Variants in PDS5A observed in about 807,000 individuals in gnomAD.
The protein encoded by PDS5A is PDS5 cohesin associated factor A.
In PDS5A, 42 loss-of-function variants were observed where a neutral mutation model predicts 167.1. The ratio of observed to expected loss-of-function variants is 0.25; its 90% CI spans 0.20 to 0.33. The LOEUF is 0.33. PDS5A is among the 10% of genes least tolerant of loss of function. The probability of loss-of-function intolerance (pLI) is 1.00; values close to 1 mark genes in which losing one functional copy is unlikely to be tolerated. For synonymous variants in PDS5A, 553 were observed against 554.6 expected (o/e 1.00, Z 0.04); for missense variants, 1,033 against 1,605.9 (o/e 0.64, Z 6.10).
At chr4:39,961,613 G>A (rs1729486896) in intron 2 of PDS5A, among the ~76,000 whole-genome samples, 1 of 152,048 alleles carries the variant, frequency 6.6e-6, no homozygotes, top group Non-Finnish European at 1.5e-5. Context: ...AAGCTGGTCT[G>A]GAACTACAGA....
intron 2 of PDS5A, among the ~76,000 whole-genome samples, chr4:39,938,280 C>T (rs1268807298): frequency 6.6e-6 from 1 of 152,188 alleles, no homozygotes; most frequent in Non-Finnish European, 1.5e-5. Flanking sequence ...CTGGGCCGGG[C>T]ACGGTGGCTC....
intron 13 of PDS5A, among the ~76,000 whole-genome samples, chr4:39,901,124 T>C (rs1722840379): frequency 6.6e-6 from 1 of 152,214 alleles, no homozygotes; most frequent in Non-Finnish European, 1.5e-5. Context: ...TGAGAATTAC[T>C]AATCTCTAAA....
rs532407244 is a variant in PDS5A, at chr4:39,947,925, C to T, written c.139-19761G>A. Reference sequence around the variant, plus strand: ...CAACATAAGTTTTGGTGAGGACAAACCTTATCCAAATAATGGCAATGTCCA... The same window carrying T: ...CAACATAAGTTTTGGTGAGGACAAATCTTATCCAAATAATGGCAATGTCCA... On this transcript the variant is annotated intron_variant, in intron 2 of 32. Coordinates refer to ENST00000303538, the MANE Select transcript of PDS5A (RefSeq NM_001100399.2). Among the ~76,000 whole-genome samples the T allele has an allele frequency of 2.8e-4, 42 of 152,224 alleles. 1 individual carries two copies. In the South Asian group the frequency reaches 7.7e-3, roughly 28 times the overall value.
chr4:39,964,544 C>G (rs925945820), intron 2 of PDS5A, among the ~76,000 whole-genome samples: 1 of 152,120 alleles, frequency 6.6e-6, no homozygotes, highest in African/African-American at 2.4e-5. Flanking sequence ...AAAACTACAA[C>G]AAATTTAAAA....
intron 2 of PDS5A, among the ~76,000 whole-genome samples, chr4:39,958,267 G>A (rs1424221680): frequency 6.6e-6 from 1 of 152,070 alleles, no homozygotes; most frequent in Non-Finnish European, 1.5e-5. Flanking sequence ...AGCACATTGG[G>A]AGGTCGAAGC....
intron 26 of PDS5A, among the ~76,000 whole-genome samples, chr4:39,856,495 TA>T (rs1211433340): frequency 6.6e-6 from 1 of 152,224 alleles, no homozygotes; most frequent in African/African-American, 2.4e-5. Context: ...CTTTGGCTCA[TA>T]ACTCACTTCT....
At chr4:39,877,716 C>T (rs1261188029) in intron 18 of PDS5A, among the ~76,000 whole-genome samples, 1 of 151,938 alleles carries the variant, frequency 6.6e-6, no homozygotes, top group Non-Finnish European at 1.5e-5. Flanking sequence ...GGGGTCTCAA[C>T]CTCCCACCTC....
chr4:39,938,741 GC>G (rs1726911154), intron 2 of PDS5A, among the ~76,000 whole-genome samples: 1 of 152,040 alleles, frequency 6.6e-6, no homozygotes, highest in Non-Finnish European at 1.5e-5. Flanking sequence ...GGAGGCTGAG[GC>G]CGATGGATCA....
chr4:39,947,285 C>T (rs1727868942), intron 2 of PDS5A, among the ~76,000 whole-genome samples: 1 of 152,062 alleles, frequency 6.6e-6, no homozygotes, highest in Non-Finnish European at 1.5e-5. Context: ...GAAACCCCAT[C>T]TCTACTAAAA....
At chr4:39,859,334 G>A (rs1718794320) in intron 26 of PDS5A, among the ~76,000 whole-genome samples, 1 of 152,020 alleles carries the variant, frequency 6.6e-6, no homozygotes, top group African/African-American at 2.4e-5. Flanking sequence ...AGGCTAGAAT[G>A]CAGTAACTGG....
chr4:39,847,534 T>C (rs1024311016), intron 28 of PDS5A: 1 of 151,728 alleles, frequency 6.6e-6, no homozygotes, highest in African/African-American at 2.4e-5. Context: ...AGCCAGGGAG[T>C]TGGAGGCTGC....
At chr4:39,925,975 A>T (rs751928916) in intron 4 of PDS5A, 42 bp from the exon 5 acceptor site, 6 of 596,078 alleles carry the variant, frequency 1.0e-5, no homozygotes, top group Non-Finnish European at 1.3e-5. Context: ...ACATATATAC[A>T]GAATAGTTAT....
intron 26 of PDS5A, among the ~76,000 whole-genome samples, chr4:39,857,306 C>G (rs1560431208): frequency 6.7e-6 from 1 of 148,882 alleles, no homozygotes; most frequent in Non-Finnish European, 1.5e-5. Context: ...GAGCCGAGAT[C>G]GCGCCACTGC....
chr4:39,849,683 G>A (rs371043573), intron 26 of PDS5A, 31 bp from the exon 27 acceptor site: 45 of 1,528,906 alleles, frequency 2.9e-5, no homozygotes, highest in African/African-American at 1.9e-4. Flanking sequence ...GAGACTAGAC[G>A]TAGATAGATG....
At chr4:39,929,795 G>T (rs548615959) in intron 2 of PDS5A, among the ~76,000 whole-genome samples, 25 of 150,502 alleles carry the variant, frequency 1.7e-4, no homozygotes, top group African/African-American at 6.1e-4. Flanking sequence ...GCCTAGGCTG[G>T]AGTGCAGTGA....
At position 39,862,457 on chromosome 4, in the gene PDS5A, T is replaced by C. The variant is rs564263808; in HGVS notation, c.2972-124A>G. 8 of 514,612 alleles carry C rather than the reference T, an allele frequency of 1.6e-5. No individual in the cohort carries two copies. The Admixed American group carries it at 2.8e-4, about 18-fold the overall frequency. The allele number at this position is 514,612 out of a possible 1,614,324, so 31.9% of individuals were successfully genotyped here. ...AATTAGGCACAACATGATACCTGGA[T>C]ACTAAAATACTTTACACTTCACTTT... is the stretch of plus-strand genomic sequence containing the variant. On this transcript the variant is annotated intron_variant, in intron 25 of 32. Coordinates refer to ENST00000303538, the MANE Select transcript of PDS5A (RefSeq NM_001100399.2).
intron 8 of PDS5A, among the ~76,000 whole-genome samples, chr4:39,916,133 A>C (rs1724350336): frequency 6.6e-6 from 1 of 152,060 alleles, no homozygotes; most frequent in Non-Finnish European, 1.5e-5. Flanking sequence ...GCTCCTCAAG[A>C]GACTGAGACA....
intron 8 of PDS5A, 138 bp downstream of exon 8, chr4:39,916,910 T>C (rs566000755): frequency 1.7e-5 from 8 of 480,234 alleles, no homozygotes; most frequent in African/African-American, 1.2e-4. Context: ...ACTTTATTCT[T>C]CTACAGTTAC....
chr4:39,852,733 A>G (rs1578607725), intron 26 of PDS5A, among the ~76,000 whole-genome samples: 1 of 152,244 alleles, frequency 6.6e-6, no homozygotes, highest in Non-Finnish European at 1.5e-5. Context: ...GGCTGCTTCT[A>G]CCATCCTCTC....
Sources: gnomAD v4.1 joint callset for allele counts (sites outside exome capture counted in the v4.1 genomes callset) on GRCh38, gnomAD v4.1.1 for gene constraint, MANE v1.5 for transcripts, NCBI Gene and HGNC (gene_info 2026-07-23, HGNC 2026-07-21) for gene names.